The following PTPRG variants were observed in gnomAD, a reference collection of about 807,000 sequenced individuals.
PTPRG encodes protein tyrosine phosphatase receptor type G.
A neutral mutation model predicts 165.3 loss-of-function variants in PTPRG; 102 were observed. The observed-to-expected ratio is 0.62, with a 90% CI of 0.53 to 0.73. The LOEUF is 0.73. PTPRG is among the 30% of genes least tolerant of loss of function. The pLI is 0.00. For synonymous variants in PTPRG, 675 were observed against 669.5 expected (o/e 1.01, Z -0.13); for missense variants, 1,866 against 1,861.4 (o/e 1.00, Z -0.05).
chr3:61,592,043 G>C (rs916236350), intron 1 of PTPRG, among the ~76,000 whole-genome samples: 1 of 151,110 alleles, frequency 6.6e-6, no homozygotes, highest in Non-Finnish European at 1.5e-5. Context: ...CATGATCTCC[G>C]TATCACCGCA....
intron 5 of PTPRG, among the ~76,000 whole-genome samples, chr3:62,114,124 C>A (rs748588374): frequency 1.3e-5 from 2 of 152,126 alleles, no homozygotes; most frequent in Non-Finnish European, 2.9e-5. Context: ...CATGGTGAAA[C>A]CCCATCTCTA....
chr3:62,133,984 A>G (rs1703613323), intron 6 of PTPRG, among the ~76,000 whole-genome samples: 1 of 150,102 alleles, frequency 6.7e-6, no homozygotes, highest in Admixed American at 6.7e-5. Flanking sequence ...TTCTGTCTCA[A>G]AAAAAAAAAG....
chr3:61,694,025 A>T (rs865863234), intron 1 of PTPRG, among the ~76,000 whole-genome samples: 2 of 145,992 alleles, frequency 1.4e-5, no homozygotes, highest in East Asian at 2.0e-4. Flanking sequence ...AAAAAAAAAA[A>T]AGAGAGAGAG....
chr3:62,140,720 G>A (rs867412355), intron 6 of PTPRG, among the ~76,000 whole-genome samples: 2 of 151,948 alleles, frequency 1.3e-5, no homozygotes, highest in Non-Finnish European at 1.5e-5. Flanking sequence ...GGTGTTATGC[G>A]CCTGTAGTCC....
chr3:61,787,346 A>G (rs1404780184), intron 2 of PTPRG, among the ~76,000 whole-genome samples: 1 of 152,230 alleles, frequency 6.6e-6, no homozygotes, highest in Non-Finnish European at 1.5e-5. Flanking sequence ...TATTTAATTT[A>G]TGCTGTTACT....
Position 61,638,591 on chromosome 3 carries a change from G to GTTTTTTTTTTT in PTPRG, c.85+76236_85+76246dup, listed in dbSNP as rs34396141. Among the ~76,000 whole-genome samples, 36 of 58,716 alleles carry GTTTTTTTTTTT rather than the reference G, an allele frequency of 6.1e-4. 3 individuals carry two copies. The highest frequency in any genetic ancestry group is 9.4e-4 in the South Asian group (1 of 1,062). 38.5% of individuals were successfully genotyped at this position (58,716 alleles called of 152,430 possible). On this transcript the variant is annotated intron_variant, in intron 1 of 29. Transcript: ENST00000474889. Reference sequence around the variant, plus strand: ...AGGCACACACCACCATGCCTGGCTAGTTTTTTTTTTTTTTTTTTTTTTTTT... The same window carrying GTTTTTTTTTTT: ...AGGCACACACCACCATGCCTGGCTAGTTTTTTTTTTTTTTTTTTTTTTTTTTTTTTTTTTTT...
chr3:62,199,047 C>T (rs1447842534), intron 10 of PTPRG, among the ~76,000 whole-genome samples: 1 of 152,174 alleles, frequency 6.6e-6, no homozygotes, highest in East Asian at 1.9e-4. Flanking sequence ...TGGAAAGCCA[C>T]ATGCTGATGG....
chr3:61,713,718 C>G lies in PTPRG; in HGVS notation c.86-35160C>G, dbSNP rs2031677238. Reference sequence around the variant, plus strand: ...CGCAGCATTCAGCAGTTAACATCATCCTGTGTGTGGCAGGCAGCGTGTCCC... The same window carrying G: ...CGCAGCATTCAGCAGTTAACATCATGCTGTGTGTGGCAGGCAGCGTGTCCC... On this transcript the variant is annotated intron_variant, in intron 1 of 29. Transcript: ENST00000474889. 1.3e-5 allele frequency among the ~76,000 whole-genome samples: 2 copies of G among 152,116 alleles called. 1 individual carries two copies. The highest frequency in any genetic ancestry group is 4.1e-4 in the South Asian group (2 of 4,830).
At position 61,810,603 on chromosome 3, in the gene PTPRG, A is replaced by G. The variant is rs373700649; in HGVS notation, c.190+61621A>G. ...TATGATGCAGACCCAGCTAGAAGACAAGTTCCCAGGTCTGGCTACCCACCC... is the reference window on the plus strand; with the variant it reads ...TATGATGCAGACCCAGCTAGAAGACGAGTTCCCAGGTCTGGCTACCCACCC... On this transcript the variant is annotated intron_variant, in intron 2 of 29. Transcript: ENST00000474889. 9.2e-5 allele frequency among the ~76,000 whole-genome samples: 14 copies of G among 152,256 alleles called. 2 individuals are homozygous for G. Among genetic ancestry groups the G allele is most frequent in the African/African-American group, 3.4e-4 (14 of 41,564 alleles).
chr3:61,676,811 G>C (rs183052652), intron 1 of PTPRG, among the ~76,000 whole-genome samples: 23 of 152,204 alleles, frequency 1.5e-4, no homozygotes, highest in African/African-American at 5.1e-4. Flanking sequence ...ATAGAGATTG[G>C]GTAACTGTTG....
At chr3:62,065,248 G>A (rs1191281171) in intron 4 of PTPRG, among the ~76,000 whole-genome samples, 1 of 152,108 alleles carries the variant, frequency 6.6e-6, no homozygotes, top group African/African-American at 2.4e-5. Context: ...GCTCACTGAG[G>A]CATGTTTACA....
chr3:61,596,654 G>A lies in PTPRG; in HGVS notation c.85+34282G>A, dbSNP rs138760166. ...CCATTCAGAGTCACTGTGAGTTGGT[G>A]GGAGAAGTGAGTTTGAACCCAGGTC... On this transcript the variant is annotated intron_variant, in intron 1 of 29. Coordinates refer to ENST00000474889, the MANE Select transcript of PTPRG (RefSeq NM_002841.4). Among the ~76,000 whole-genome samples the A allele has an allele frequency of 3.6e-3, 546 of 152,192 alleles. 8 individuals are homozygous for A. The highest frequency in any genetic ancestry group is 0.012 in the African/African-American group (503 of 41,538).
intron 5 of PTPRG, among the ~76,000 whole-genome samples, chr3:62,089,112 A>C (rs1299838856): frequency 6.6e-6 from 1 of 152,176 alleles, no homozygotes; most frequent in Non-Finnish European, 1.5e-5. Context: ...GTCTCAACCC[A>C]TCTGAAGCCC....
At chr3:62,182,879 T>A (rs1195765764) in intron 8 of PTPRG, among the ~76,000 whole-genome samples, 1 of 152,102 alleles carries the variant, frequency 6.6e-6, no homozygotes, top group African/African-American at 2.4e-5. Context: ...ATGGTCTCGA[T>A]CTCTTGACCT....
intron 2 of PTPRG, among the ~76,000 whole-genome samples, chr3:61,827,241 T>C (rs1438796381): frequency 1.3e-5 from 2 of 152,212 alleles, no homozygotes; most frequent in African/African-American, 4.8e-5. Flanking sequence ...ATCTTGCTGT[T>C]GTAAGATTCT....
At chr3:62,042,518 G>A (rs1450295941) in intron 4 of PTPRG, among the ~76,000 whole-genome samples, 1 of 152,064 alleles carries the variant, frequency 6.6e-6, no homozygotes, top group Non-Finnish European at 1.5e-5. Flanking sequence ...GAATTTTTAA[G>A]CATGGTGTTC....
intron 2 of PTPRG, among the ~76,000 whole-genome samples, chr3:61,865,860 T>G (rs1330417946): frequency 6.6e-6 from 1 of 152,226 alleles, no homozygotes; most frequent in Non-Finnish European, 1.5e-5. Context: ...GCATCTGTAC[T>G]CTTCTAGAAA....
intron 4 of PTPRG, among the ~76,000 whole-genome samples, chr3:62,029,745 CTT>C (rs1699702064): frequency 6.6e-6 from 1 of 152,222 alleles, no homozygotes; most frequent in African/African-American, 2.4e-5. Flanking sequence ...AGAACTGCAT[CTT>C]TTCTTCAGTA....
At chr3:61,896,888 T>G (rs975787761) in intron 2 of PTPRG, among the ~76,000 whole-genome samples, 1 of 152,138 alleles carries the variant, frequency 6.6e-6, no homozygotes, top group African/African-American at 2.4e-5. Context: ...ATTCGTGTCT[T>G]CTGCCGATTC....
Sources: gnomAD v4.1 joint callset for allele counts (sites outside exome capture counted in the v4.1 genomes callset) on GRCh38, gnomAD v4.1.1 for gene constraint, MANE v1.5 for transcripts, NCBI Gene and HGNC (gene_info 2026-07-23, HGNC 2026-07-21) for gene names.